The following RASL10A variants were observed in gnomAD, a reference collection of about 807,000 sequenced individuals.
RASL10A encodes the protein ras-like protein family member 10A.
A neutral mutation model predicts 17.3 loss-of-function variants in RASL10A; 13 were observed. The observed-to-expected ratio is 0.75, with a 90% CI of 0.49 to 1.20. The LOEUF (loss-of-function observed/expected upper bound fraction) is 1.20. Ranked by LOEUF, RASL10A falls within the 50% of genes most tolerant of loss-of-function variation. The pLI is 0.00. For missense variants in RASL10A, 307 were observed against 310.3 expected (o/e 0.99, Z 0.08); for synonymous variants, 159 against 142.2 (o/e 1.12, Z -0.84).
At chr22:29,319,734 C>G (rs2061467311), upstream of RASL10A, 1 of 152,284 alleles carries the variant, frequency 6.6e-6, no homozygotes, top group Non-Finnish European at 1.5e-5. Context: ...CGCCTGTAAT[C>G]CCAGCATTTT....
rs774443176 is a variant in RASL10A at position 29,313,992 on chromosome 22, G to A, written c.220-5C>T. 1.9e-6 allele frequency: 3 copies of A among 1,612,770 alleles called. No individual in the cohort carries two copies. The highest frequency in any genetic ancestry group is 2.2e-5 in the South Asian group (2 of 91,088). On this transcript the variant is annotated splice_polypyrimidine_tract_variant and splice_region_variant and intron_variant, in intron 1 of 2. Transcript: ENST00000216101. ...GTCCTTAGCGTCTGGCCACTCCTGG[G>A]GACAGGAGGCCAGGGTTTGCGGAAG...
At position 29,313,878 on chromosome 22, in the gene RASL10A, C is replaced by A. The variant is rs759348641; in HGVS notation, c.329G>T (p.Arg110Leu). The A allele has an allele frequency of 5.1e-5, 82 of 1,613,498 alleles. No homozygotes were observed. The highest frequency in any genetic ancestry group is 6.9e-5 in the Non-Finnish European group (81 of 1,180,044). Residue 110 changes from arginine (R) to leucine (L), a missense_variant, in exon 2 of 3, where the codon CGC becomes CTC. Arg to Leu is a moderately radical substitution (Grantham distance 102). Coordinates refer to ENST00000216101, the MANE Select transcript of RASL10A (RefSeq NM_006477.5). ...SFDYVKALRQRIAETRPAGAP... is the reference protein window; with the variant it reads ...SFDYVKALRQLIAETRPAGAP... ...GGGCCCCTACCTGGTCTCCGCGATG[C>A]GCTGCCGCAGGGCCTTCACGTAGTC...
At position 29,313,263 on chromosome 22, in the gene RASL10A, C is replaced by T; in HGVS notation, c.*38G>A. On this transcript the variant is annotated 3_prime_UTR_variant, in exon 3 of 3. Coordinates refer to ENST00000216101, the MANE Select transcript of RASL10A (RefSeq NM_006477.5). ...AATCCAGGTCCCTGATTGTCCCAGT[C>T]ACAAGGTGGGGCCCATGGATGGCAC... 1 of 1,451,864 alleles carries T rather than the reference C, an allele frequency of 6.9e-7. No homozygotes were observed. Among genetic ancestry groups the T allele is most frequent in the Non-Finnish European group, 9.1e-7 (1 of 1,098,794 alleles). 89.9% of individuals were successfully genotyped at this position (1,451,864 alleles called of 1,614,324 possible). A position where few individuals can be genotyped will look rare whatever the true frequency, so the allele number is the denominator to read the frequency against.
intron 1 of RASL10A, 159 bp from the exon 2 acceptor site, chr22:29,314,146 C>T: frequency 1.0e-6 from 1 of 999,270 alleles, no homozygotes; most frequent in Non-Finnish European, 1.4e-6. Context: ...CTCATGACCA[C>T]CAGGGTAAAA....
Position 29,313,543 on chromosome 22 carries a change from T to C in RASL10A, c.370A>G (p.Ile124Val), listed in dbSNP as rs1446373254. The C allele has an allele frequency of 3.2e-6, 5 of 1,550,818 alleles. No homozygotes were observed. In the East Asian group the frequency reaches 9.2e-5, roughly 29 times the overall value. Residue 124 changes from isoleucine (I) to valine (V), a missense_variant, in exon 3 of 3, where the codon ATC becomes GTC. By Grantham distance (29) the Ile-to-Val change is conservative. Coordinates refer to ENST00000216101, the MANE Select transcript of RASL10A (RefSeq NM_006477.5). The stretch of plus-strand genomic sequence containing the variant: ...TCCCGCTTGTTGCCTACCACGAGGA[T>C]GGGCGCTTCGGGCGCGCCCGCCGGC... ...TRPAGAPEAPILVVGNKRDRQ... is the reference protein window; with the variant it reads ...TRPAGAPEAPVLVVGNKRDRQ...
rs772033759 is a variant in RASL10A at position 29,313,572 on chromosome 22, G to C, written c.345-4C>G. ...CGCTTCGGGCGCGCCCGCCGGCCTG[G>C]GGGCCGAATGGAGATGAGAGACGCG... On this transcript the variant is annotated splice_region_variant and splice_polypyrimidine_tract_variant and intron_variant, in intron 2 of 2. Coordinates refer to ENST00000216101, the MANE Select transcript of RASL10A (RefSeq NM_006477.5). 6.5e-7 allele frequency: 1 copy of C among 1,529,826 alleles called. No homozygotes were observed. Among genetic ancestry groups the C allele is most frequent in the Non-Finnish European group, 8.7e-7 (1 of 1,150,170 alleles). The allele number at this position is 1,529,826 out of a possible 1,614,324, so 94.8% of individuals were successfully genotyped here. A position where few individuals can be genotyped will look rare whatever the true frequency, so the allele number is the denominator to read the frequency against.
chr22:29,318,265 G>T (rs1024752333), upstream of RASL10A, among the ~76,000 whole-genome samples: 1 of 152,206 alleles, frequency 6.6e-6, no homozygotes, highest in African/African-American at 2.4e-5. Context: ...TTTATCAAGG[G>T]CCTGCGATGT....
upstream of RASL10A, chr22:29,315,793 C>T (rs2147913068): frequency 6.6e-6 from 1 of 152,192 alleles, no homozygotes; most frequent in South Asian, 2.1e-4. This position sits in a 1 kb window ranked among gnomAD's most constrained non-coding sequence, Gnocchi z 5.5. Context: ...GCCCAGGACG[C>T]CCCTCCCAGG....
intron 1 of RASL10A, 148 bp downstream of exon 1, chr22:29,314,880 A>G (rs779522807): frequency 1.4e-6 from 1 of 700,546 alleles, no homozygotes; most frequent in Non-Finnish European, 2.2e-6. Context: ...GGAAGGGCTG[A>G]AACGCAAGTA....
At chr22:29,314,247 C>T (rs542697470) in intron 1 of RASL10A, 10 of 447,326 alleles carry the variant, frequency 2.2e-5, no homozygotes, top group Middle Eastern at 6.3e-4. Context: ...TTTCAGCTTT[C>T]CCCAACTCGG....
chr22:29,314,909 T>A (rs1435954477), intron 1 of RASL10A, 119 bp downstream of exon 1: 8 of 787,058 alleles, frequency 1.0e-5, no homozygotes, highest in African/African-American at 1.9e-5. Flanking sequence ...CGCACACACA[T>A]CCCTCCATCC....
upstream of RASL10A, among the ~76,000 whole-genome samples, chr22:29,318,710 G>GC (rs2061464109): frequency 6.6e-6 from 1 of 152,118 alleles, no homozygotes. Context: ...CCTGCCTGCT[G>GC]CCCCCCTCCA....
Position 29,313,483 on chromosome 22 carries a change from G to A in RASL10A, c.430C>T (p.Leu144=), listed in dbSNP as rs1231747871. The A allele has an allele frequency of 1.5e-5, 23 of 1,554,648 alleles. No homozygotes were observed. The highest frequency in any genetic ancestry group is 1.9e-4 in the Middle Eastern group (1 of 5,242). ...CAGCCCCTGCGCACTAGGGCGGCCAGCGCGCGCCGCGGTCCGAAGCGCAGC... is the reference window on the plus strand; with the variant it reads ...CAGCCCCTGCGCACTAGGGCGGCCAACGCGCGCCGCGGTCCGAAGCGCAGC... ...QRLRFGPRRA[L]AALVRRGWRC... The change falls in exon 3 of 3, where the codon CTG becomes TTG. Residue 144 remains leucine (L), a synonymous_variant. Coordinates refer to ENST00000216101, the MANE Select transcript of RASL10A (RefSeq NM_006477.5).
chr22:29,314,309 G>C, intron 1 of RASL10A: 1 of 300,006 alleles, frequency 3.3e-6, no homozygotes, highest in Non-Finnish European at 6.3e-6. Context: ...CGGCCTCTAA[G>C]ACTAATTCCA....
chr22:29,318,483 C>T (rs2061463099), upstream of RASL10A, among the ~76,000 whole-genome samples: 1 of 152,232 alleles, frequency 6.6e-6, no homozygotes, highest in African/African-American at 2.4e-5. Context: ...GACCACTCAG[C>T]CCCCTGTCGG....
At position 29,314,034 on chromosome 22, in the gene RASL10A, C is replaced by G. The variant is rs1187562555; in HGVS notation, c.220-47G>C. 3 of 1,604,852 alleles carry G rather than the reference C, an allele frequency of 1.9e-6. No homozygotes were observed. The South Asian group carries it at 3.3e-5, about 18-fold the overall frequency. On this transcript the variant is annotated intron_variant, in intron 1 of 2. Coordinates refer to ENST00000216101, the MANE Select transcript of RASL10A (RefSeq NM_006477.5). ...TTGCGGAAGCCTCCTTTCCACTCTT[C>G]CGCTCTCGAACCCTCTGCAGGGGCC...
upstream of RASL10A, among the ~76,000 whole-genome samples, chr22:29,315,923 C>T (rs1235884583): frequency 6.6e-6 from 1 of 152,248 alleles, no homozygotes; most frequent in African/African-American, 2.4e-5. This position sits in a 1 kb window ranked among gnomAD's most constrained non-coding sequence, Gnocchi z 5.5. Flanking sequence ...TTCCCACCCA[C>T]TGCCGCGGCC....
chr22:29,319,003 T>C (rs1051021310), upstream of RASL10A, among the ~76,000 whole-genome samples: 15 of 152,126 alleles, frequency 9.9e-5, no homozygotes, highest in Non-Finnish European at 1.9e-4. Flanking sequence ...GAGGGGCTTA[T>C]ACTGAGCCCT....
intron 2 of RASL10A, 58 bp from the exon 3 acceptor site, chr22:29,313,626 G>A (rs2147910253): frequency 1.4e-6 from 2 of 1,474,618 alleles, no homozygotes; most frequent in Non-Finnish European, 1.8e-6. Flanking sequence ...AATTCCCCCA[G>A]TGGGTATACA....
Sources: allele counts gnomAD v4.1 joint callset (sites outside exome capture counted in the v4.1 genomes callset), GRCh38; gene constraint gnomAD v4.1.1; non-coding constraint Gnocchi (gnomAD v3.1); transcripts MANE v1.5; gene names NCBI Gene and HGNC (gene_info 2026-07-23, HGNC 2026-07-21).